Variants in PSD3 observed in about 807,000 individuals in gnomAD.
PSD3 encodes the protein pleckstrin and Sec7 domain containing 3, also known as PH and SEC7 domain-containing protein 3.
PSD3 carries 49 observed loss-of-function variants against 105.5 expected under a neutral mutation model. The ratio of observed to expected loss-of-function variants is 0.46; its 90% CI spans 0.37 to 0.59. The LOEUF (loss-of-function observed/expected upper bound fraction) is 0.59. PSD3 is among the 20% of genes least tolerant of loss of function. PSD3 has a pLI of 0.00. For missense variants in PSD3, 1,561 were observed against 1,263.8 expected, an observed-to-expected ratio of 1.24 and a Z score of -3.57; for synonymous variants, 557 against 457.8, an observed-to-expected ratio of 1.22 and a Z score of -2.77.
chr8:19,068,785 C>T (rs1255536017), intron 1 of PSD3, among the ~76,000 whole-genome samples: 2 of 151,270 alleles, frequency 1.3e-5, no homozygotes, highest in Non-Finnish European at 2.9e-5. Flanking sequence ...AGAACTGACA[C>T]TTTAGACCAG....
At chr8:18,850,649 C>G (rs1377815716) in intron 4 of PSD3, among the ~76,000 whole-genome samples, 1 of 152,124 alleles carries the variant, frequency 6.6e-6, no homozygotes, top group Admixed American at 6.6e-5. Flanking sequence ...GTGAATACAG[C>G]AAGGTAAAGG....
At chr8:18,589,616 T>C (rs149136015) in intron 12 of PSD3, among the ~76,000 whole-genome samples, 1 of 152,246 alleles carries the variant, frequency 6.6e-6, no homozygotes, top group East Asian at 1.9e-4. Flanking sequence ...ACAAAGCTGC[T>C]CTGGTAATAT....
At chr8:18,542,088 G>C (rs3780100) in intron 15 of PSD3, among the ~76,000 whole-genome samples, 24,755 of 152,074 alleles carry the variant, frequency 0.16, 2,227 homozygotes, top group East Asian at 0.37. Flanking sequence ...ATGAAAAATA[G>C]ACTTTATTGC....
intron 1 of PSD3, among the ~76,000 whole-genome samples, chr8:19,061,592 G>T (rs1284710593): frequency 1.3e-5 from 2 of 152,160 alleles, no homozygotes; most frequent in East Asian, 3.9e-4. Context: ...CGGATCAAGA[G>T]GTCAGGAGTT....
rs985869109 is a variant in PSD3, at chr8:18,527,754, C to T, written c.*7989G>A. The T allele has an allele frequency of 2.6e-5, 4 of 152,550 alleles. No homozygotes were observed. Among genetic ancestry groups the T allele is most frequent in the Non-Finnish European group, 4.4e-5 (3 of 68,030 alleles). 9.4% of individuals were successfully genotyped at this position (152,550 alleles called of 1,614,324 possible). A position where few individuals can be genotyped will look rare whatever the true frequency, so the allele number is the denominator to read the frequency against. Reference sequence around the variant, plus strand: ...ACAAACGCCATCGTTTTCTAGAAGACGGCATTTCCAGAATCTGGTAGGTGG... The same window carrying T: ...ACAAACGCCATCGTTTTCTAGAAGATGGCATTTCCAGAATCTGGTAGGTGG... On this transcript the variant is annotated 3_prime_UTR_variant, in exon 16 of 16. Transcript: ENST00000327040.
intron 9 of PSD3, among the ~76,000 whole-genome samples, chr8:18,676,918 A>G (rs1181753903): frequency 3.9e-5 from 6 of 152,196 alleles, no homozygotes; most frequent in Admixed American, 3.9e-4. Flanking sequence ...GTTAATTTCC[A>G]TTACATGGGA....
chr8:18,553,228 G>C (rs1227903877), intron 15 of PSD3, among the ~76,000 whole-genome samples: 2 of 152,200 alleles, frequency 1.3e-5, no homozygotes. Flanking sequence ...GGGAGGCCCT[G>C]TTGAGGAGGA....
At chr8:19,012,662 C>T (rs910969052) in intron 1 of PSD3, among the ~76,000 whole-genome samples, 3 of 152,198 alleles carry the variant, frequency 2.0e-5, no homozygotes, top group Admixed American at 6.5e-5. Flanking sequence ...GAAATCCTAT[C>T]CTACTTACCT....
intron 2 of PSD3, among the ~76,000 whole-genome samples, chr8:18,914,121 C>T (rs549182684): frequency 3.3e-5 from 5 of 151,800 alleles, no homozygotes; most frequent in Non-Finnish European, 5.9e-5. Flanking sequence ...ACATTCCCTT[C>T]CAGATGGGGG....
In PSD3 at chr8:18,602,253, G is replaced by A. The variant is rs557793413; in HGVS notation, c.2411-1819C>T. ...AGTAGATCAATTAATCCAAGTACAT[G>A]TTTACAAAATTTTAAACAGCTCTTT... On this transcript the variant is annotated intron_variant, in intron 11 of 15. Coordinates refer to ENST00000327040, the MANE Select transcript of PSD3 (RefSeq NM_015310.4). Among the ~76,000 whole-genome samples the A allele has an allele frequency of 1.2e-4, 18 of 152,162 alleles. 1 individual carries two copies. The South Asian group carries it at 1.5e-3, about 12-fold the overall frequency.
chr8:18,722,236 C>A (rs555406165), intron 9 of PSD3, among the ~76,000 whole-genome samples: 6 of 152,150 alleles, frequency 3.9e-5, no homozygotes, highest in African/African-American at 1.4e-4. Flanking sequence ...ATGTATGTGA[C>A]AGAGTCTTAA....
chr8:18,919,743 C>T lies in PSD3; in HGVS notation c.130+16291G>A, dbSNP rs147548788. Among the ~76,000 whole-genome samples, 429 of 150,848 alleles carry T rather than the reference C, an allele frequency of 2.8e-3. 2 individuals are homozygous for T. Among genetic ancestry groups the T allele is most frequent in the African/African-American group, 0.01 (412 of 41,084 alleles). ...GAAATCATCATTCTCAGTAAACTAT[C>T]GCAATAATAAAAAACCAAACACCGC... On this transcript the variant is annotated intron_variant, in intron 2 of 15. Transcript: ENST00000327040.
intron 1 of PSD3, among the ~76,000 whole-genome samples, chr8:19,053,753 G>T (rs1828609923): frequency 6.6e-6 from 1 of 151,960 alleles, no homozygotes; most frequent in Non-Finnish European, 1.5e-5. Context: ...ACATGCTAAT[G>T]GTATCTTAAA....
intron 1 of PSD3, among the ~76,000 whole-genome samples, chr8:18,937,896 G>A (rs922741000): frequency 2.6e-5 from 4 of 152,096 alleles, no homozygotes; most frequent in African/African-American, 7.2e-5. Context: ...GAAGGTCAGC[G>A]ACATATTGGC....
At chr8:18,937,678 C>A (rs552202998) in intron 1 of PSD3, among the ~76,000 whole-genome samples, 1 of 152,174 alleles carries the variant, frequency 6.6e-6, no homozygotes, top group African/African-American at 2.4e-5. Context: ...CTTGGTGTTA[C>A]GTGTTTGATA....
At chr8:18,683,737 A>G in intron 9 of PSD3, 1 of 757,682 alleles carries the variant, frequency 1.3e-6, no homozygotes, top group Non-Finnish European at 2.4e-6. Context: ...GCCCTGCCAC[A>G]CAGCTGTCAA....
intron 10 of PSD3, among the ~76,000 whole-genome samples, chr8:18,655,000 G>T (rs527866917): frequency 6.6e-6 from 1 of 152,256 alleles, no homozygotes; most frequent in East Asian, 1.9e-4. Context: ...TTCATCAGCA[G>T]ATTTTTCTTT....
chr8:18,733,014 T>C (rs999607960), intron 9 of PSD3: 1 of 152,158 alleles, frequency 6.6e-6, no homozygotes, highest in Non-Finnish European at 1.5e-5. Flanking sequence ...AAGAAGAGAA[T>C]GAAACGTGCA....
intron 9 of PSD3, among the ~76,000 whole-genome samples, chr8:18,697,855 C>T (rs1801345168): frequency 6.6e-6 from 1 of 152,116 alleles, no homozygotes. Context: ...GAAAAGCAAA[C>T]AAAAATCCAT....
Sources: gnomAD v4.1 joint callset for allele counts (sites outside exome capture counted in the v4.1 genomes callset) on GRCh38, gnomAD v4.1.1 for gene constraint, MANE v1.5 for transcripts, NCBI Gene and HGNC (gene_info 2026-07-23, HGNC 2026-07-21) for gene names.